Variants in FSTL5 observed in about 807,000 individuals in gnomAD.
FSTL5 encodes follistatin-related protein 5.
FSTL5 carries 62 observed loss-of-function variants against 89.1 expected under a neutral mutation model. That is an observed-to-expected ratio of 0.70 (90% CI 0.57 to 0.86). The LOEUF is 0.86. FSTL5 is among the 40% of genes least tolerant of loss of function. The probability of loss-of-function intolerance (pLI) is 0.00; values close to 1 mark genes in which losing one functional copy is unlikely to be tolerated. For synonymous variants in FSTL5, 383 were observed against 346.2 expected (o/e 1.11, Z -1.18); for missense variants, 1,057 against 1,001.6 (o/e 1.06, Z -0.75).
chr4:161,659,598 A>G (rs976410851), intron 6 of FSTL5, among the ~76,000 whole-genome samples: 2 of 152,186 alleles, frequency 1.3e-5, no homozygotes, highest in Non-Finnish European at 2.9e-5. Flanking sequence ...TTTTATAGAT[A>G]CATGATCATT....
chr4:161,500,415 T>A (rs1730254848), intron 11 of FSTL5, among the ~76,000 whole-genome samples: 1 of 152,276 alleles, frequency 6.6e-6, no homozygotes, highest in African/African-American at 2.4e-5. Context: ...GGATATAAAC[T>A]CTTGATACAT....
At chr4:162,007,107 G>T (rs1360277076) in intron 3 of FSTL5, among the ~76,000 whole-genome samples, 2 of 151,762 alleles carry the variant, frequency 1.3e-5, no homozygotes, top group African/African-American at 4.8e-5. Flanking sequence ...TTCATCAGTG[G>T]TTGATAAAAT....
intron 6 of FSTL5, among the ~76,000 whole-genome samples, chr4:161,697,409 C>A (rs1738207641): frequency 6.6e-6 from 1 of 152,242 alleles, no homozygotes; most frequent in East Asian, 1.9e-4. Flanking sequence ...TCTTCTGTGA[C>A]ATTTTAGTGG....
At chr4:161,962,356 G>A (rs1330146404) in intron 3 of FSTL5, among the ~76,000 whole-genome samples, 1 of 151,754 alleles carries the variant, frequency 6.6e-6, no homozygotes, top group Non-Finnish European at 1.5e-5. Context: ...ATTTTGATAC[G>A]AATTGGAAAA....
chr4:161,657,725 A>T (rs189751266), intron 6 of FSTL5, among the ~76,000 whole-genome samples: 43 of 152,314 alleles, frequency 2.8e-4, no homozygotes, highest in Admixed American at 2.3e-3. Context: ...ATCATCACAA[A>T]TTGCAATGCC....
At chr4:161,727,122 C>T (rs1739452569) in intron 6 of FSTL5, among the ~76,000 whole-genome samples, 1 of 152,120 alleles carries the variant, frequency 6.6e-6, no homozygotes, top group Non-Finnish European at 1.5e-5. Flanking sequence ...AAATATATTT[C>T]TTTTGTGCTG....
chr4:161,754,124 TA>T (rs1205158189), intron 6 of FSTL5, among the ~76,000 whole-genome samples: 3 of 151,326 alleles, frequency 2.0e-5, no homozygotes, highest in African/African-American at 7.3e-5. Flanking sequence ...TTAGGTGATT[TA>T]AATTTTTTTT....
chr4:161,577,352 A>G (rs28630752), intron 8 of FSTL5, among the ~76,000 whole-genome samples: 5 of 152,068 alleles, frequency 3.3e-5, no homozygotes, highest in African/African-American at 1.2e-4. Context: ...GAAAACTTGT[A>G]ACTTAAAACT....
At chr4:161,601,017 G>C (rs997084423) in intron 7 of FSTL5, among the ~76,000 whole-genome samples, 4 of 151,890 alleles carry the variant, frequency 2.6e-5, no homozygotes, top group African/African-American at 9.7e-5. Context: ...AGAAAACAAG[G>C]AACCATACAA....
intron 2 of FSTL5, among the ~76,000 whole-genome samples, chr4:162,058,025 A>G (rs1738603322): frequency 6.6e-6 from 1 of 152,192 alleles, no homozygotes; most frequent in African/African-American, 2.4e-5. Flanking sequence ...ATTCTGAAGG[A>G]TAGTGTAATA....
chr4:161,462,862 A>G (rs1227384338), intron 13 of FSTL5, among the ~76,000 whole-genome samples: 1 of 152,090 alleles, frequency 6.6e-6, no homozygotes, highest in Admixed American at 6.6e-5. Context: ...TCTGTCCTTG[A>G]AGAATTTACA....
intron 3 of FSTL5, among the ~76,000 whole-genome samples, chr4:161,948,798 T>C (rs544474133): frequency 5.3e-5 from 8 of 152,068 alleles, no homozygotes; most frequent in African/African-American, 1.9e-4. Flanking sequence ...AATGTATTTA[T>C]TCTTTAAAAG....
At chr4:162,007,847 G>A (rs1269807357) in intron 3 of FSTL5, among the ~76,000 whole-genome samples, 1 of 151,824 alleles carries the variant, frequency 6.6e-6, no homozygotes, top group Non-Finnish European at 1.5e-5. Context: ...AGCTGAGCAT[G>A]AAACAATCTA....
chr4:161,493,409 G>A (rs999093764), intron 12 of FSTL5, among the ~76,000 whole-genome samples: 6 of 151,514 alleles, frequency 4.0e-5, no homozygotes, highest in African/African-American at 1.5e-4. Context: ...GACATAGGGG[G>A]ACATGAAGGA....
chr4:161,657,847 T>C (rs1736570406), intron 6 of FSTL5, among the ~76,000 whole-genome samples: 1 of 152,192 alleles, frequency 6.6e-6, no homozygotes, highest in Non-Finnish European at 1.5e-5. Flanking sequence ...TGACACCTCA[T>C]TATCTGATAA....
At chr4:161,718,806 A>G (rs1739094025) in intron 6 of FSTL5, among the ~76,000 whole-genome samples, 1 of 152,186 alleles carries the variant, frequency 6.6e-6, no homozygotes, top group Admixed American at 6.5e-5. Context: ...TCTATAAATC[A>G]AAACATGGTA....
At chr4:161,986,822 T>C (rs1207772421) in intron 3 of FSTL5, among the ~76,000 whole-genome samples, 1 of 152,164 alleles carries the variant, frequency 6.6e-6, no homozygotes. Flanking sequence ...TAATCCTTGC[T>C]ATTAGGAATT....
At chr4:161,897,125 T>C (rs1213889115) in intron 4 of FSTL5, among the ~76,000 whole-genome samples, 2 of 151,668 alleles carry the variant, frequency 1.3e-5, no homozygotes, top group East Asian at 1.9e-4. Context: ...ATATTAGATA[T>C]CTTTAAAAAG....
chr4:161,702,930 C>A (rs933401992), intron 6 of FSTL5, among the ~76,000 whole-genome samples: 1 of 151,952 alleles, frequency 6.6e-6, no homozygotes, highest in African/African-American at 2.4e-5. Context: ...TGTATTTGGA[C>A]AAAAGGCTTT....
Sources: allele counts gnomAD v4.1 joint callset (sites outside exome capture counted in the v4.1 genomes callset), GRCh38; gene constraint gnomAD v4.1.1; transcripts MANE v1.5; gene names NCBI Gene and HGNC (gene_info 2026-07-23, HGNC 2026-07-21).